The following DIAPH3 variants were observed in gnomAD, a reference collection of about 807,000 sequenced individuals.
The protein encoded by DIAPH3 is protein diaphanous homolog 3.
In DIAPH3, 117 loss-of-function variants were observed where a neutral mutation model predicts 144.3. That is an observed-to-expected ratio of 0.81 (90% CI 0.70 to 0.95). The LOEUF (loss-of-function observed/expected upper bound fraction) is 0.95, where lower values mean the gene tolerates loss of function less well. Ranked by LOEUF, DIAPH3 falls within the 40% of genes least tolerant of loss-of-function variation. The probability of loss-of-function intolerance (pLI) is 0.00; values close to 1 mark genes in which losing one functional copy is unlikely to be tolerated. For missense variants in DIAPH3, 1,421 were observed against 1,412.7 expected, an observed-to-expected ratio of 1.01 and a Z score of -0.09; for synonymous variants, 519 against 488.9, an observed-to-expected ratio of 1.06 and a Z score of -0.81.
chr13:60,126,234 A>G (rs953804650), intron 2 of DIAPH3, among the ~76,000 whole-genome samples: 4 of 152,184 alleles, frequency 2.6e-5, no homozygotes, highest in African/African-American at 9.7e-5. Context: ...CAGATAGATA[A>G]TGAAAAGTCA....
At chr13:60,113,258 A>G (rs1348961572) in intron 2 of DIAPH3, among the ~76,000 whole-genome samples, 1 of 152,202 alleles carries the variant, frequency 6.6e-6, no homozygotes, top group Non-Finnish European at 1.5e-5. Context: ...ATACTAATAC[A>G]TATAGAACAT....
At chr13:59,812,129 A>T (rs1364169195) in intron 24 of DIAPH3, among the ~76,000 whole-genome samples, 4 of 152,126 alleles carry the variant, frequency 2.6e-5, no homozygotes, top group Admixed American at 2.6e-4. Flanking sequence ...CTTTATTTTA[A>T]CCCTAGAGTT....
chr13:60,019,726 A>G (rs573951332), intron 5 of DIAPH3, among the ~76,000 whole-genome samples: 9 of 152,308 alleles, frequency 5.9e-5, no homozygotes, highest in African/African-American at 1.9e-4. Context: ...ACTTCCAGAA[A>G]CACAGGATGA....
chr13:59,924,996 A>G (rs2047687370), intron 17 of DIAPH3, 126 bp from the exon 18 acceptor site: 1 of 1,430,864 alleles, frequency 7.0e-7, no homozygotes. Context: ...AAGTTATAAA[A>G]ACAAATAAAA....
intron 18 of DIAPH3, among the ~76,000 whole-genome samples, chr13:59,920,932 G>A (rs1484707103): frequency 6.6e-6 from 1 of 151,632 alleles, no homozygotes; most frequent in Non-Finnish European, 1.5e-5. Flanking sequence ...AATCAGTACA[G>A]AAGAAAATTC....
intron 14 of DIAPH3, among the ~76,000 whole-genome samples, chr13:59,978,745 G>T (rs2050814165): frequency 6.6e-6 from 1 of 151,626 alleles, no homozygotes; most frequent in African/African-American, 2.4e-5. Flanking sequence ...TATAAAAACT[G>T]ATATGATAGC....
intron 4 of DIAPH3, among the ~76,000 whole-genome samples, chr13:60,069,292 G>A (rs1281182336): frequency 6.6e-6 from 1 of 152,096 alleles, no homozygotes; most frequent in Admixed American, 6.6e-5. Flanking sequence ...CTTTTGAAAA[G>A]GGTCTGCTCG....
At chr13:60,093,548 A>C in intron 4 of DIAPH3, 80 bp downstream of exon 4, 1 of 926,452 alleles carries the variant, frequency 1.1e-6, no homozygotes. Context: ...CACAAACTTA[A>C]GTACTTCATT....
intron 27 of DIAPH3, among the ~76,000 whole-genome samples, chr13:59,720,859 G>T (rs1464305567): frequency 6.6e-6 from 1 of 152,104 alleles, no homozygotes; most frequent in African/African-American, 2.4e-5. Context: ...ATTTTCCTCT[G>T]CAAGTATTCA....
chr13:60,000,845 G>GT (rs1167867742), intron 9 of DIAPH3, among the ~76,000 whole-genome samples: 2 of 152,074 alleles, frequency 1.3e-5, no homozygotes, highest in Non-Finnish European at 2.9e-5. Flanking sequence ...TATTCTTGAG[G>GT]TATTTCCAAG....
At chr13:59,736,438 C>T (rs1252492355) in intron 27 of DIAPH3, among the ~76,000 whole-genome samples, 1 of 152,110 alleles carries the variant, frequency 6.6e-6, no homozygotes. Context: ...TCCACAACCT[C>T]ACCAGGATCT....
At chr13:60,005,212 CT>C in intron 9 of DIAPH3, among the ~76,000 whole-genome samples, 1 of 152,244 alleles carries the variant, frequency 6.6e-6, no homozygotes, top group South Asian at 2.1e-4. Flanking sequence ...GAACGAACCT[CT>C]AAAATATTTT....
chr13:59,970,321 A>C (rs1311467121), intron 16 of DIAPH3, among the ~76,000 whole-genome samples: 2 of 152,196 alleles, frequency 1.3e-5, no homozygotes, highest in African/African-American at 4.8e-5. Context: ...CATTTCTCAT[A>C]GTCTCTAATA....
intron 4 of DIAPH3, among the ~76,000 whole-genome samples, chr13:60,067,409 G>T (rs2057013330): frequency 2.6e-5 from 4 of 151,908 alleles, no homozygotes; most frequent in Admixed American, 2.6e-4. Flanking sequence ...ATACATATTG[G>T]ATAAATAGGC....
At chr13:59,976,315 C>A (rs2050679203) in intron 14 of DIAPH3, among the ~76,000 whole-genome samples, 1 of 151,850 alleles carries the variant, frequency 6.6e-6, no homozygotes, top group Non-Finnish European at 1.5e-5. Context: ...TCTCTAGGGC[C>A]ATGCTATTTC....
At chr13:60,017,024 A>G (rs1236480252) in intron 5 of DIAPH3, among the ~76,000 whole-genome samples, 1 of 152,210 alleles carries the variant, frequency 6.6e-6, no homozygotes, top group Non-Finnish European at 1.5e-5. Flanking sequence ...GAAAAGATAT[A>G]TGTGTGTATA....
chr13:60,069,098 C>A (rs530454027), intron 4 of DIAPH3, among the ~76,000 whole-genome samples: 2 of 152,150 alleles, frequency 1.3e-5, no homozygotes, highest in African/African-American at 4.8e-5. Flanking sequence ...CACACTCTAA[C>A]CAACAGTGTA....
intron 4 of DIAPH3, among the ~76,000 whole-genome samples, chr13:60,049,490 C>T (rs1331035741): frequency 6.6e-6 from 1 of 152,190 alleles, no homozygotes; most frequent in East Asian, 1.9e-4. Context: ...CTTATCCAAA[C>T]CCTCACCACC....
chr13:60,061,279 A>G lies in DIAPH3; in HGVS notation c.496-18459T>C, dbSNP rs990308816. Among the ~76,000 whole-genome samples, 26 of 152,304 alleles carry G rather than the reference A, an allele frequency of 1.7e-4. 1 individual carries two copies. The highest frequency in any genetic ancestry group is 6.3e-4 in the African/African-American group (26 of 41,584). On this transcript the variant is annotated intron_variant, in intron 4 of 27. Transcript: ENST00000400324. ...ATAGGAAGGGAGAGAATAGAAGCACAAAACACACAGAAACAAGAAAGTGAA... is the reference window on the plus strand; with the variant it reads ...ATAGGAAGGGAGAGAATAGAAGCACGAAACACACAGAAACAAGAAAGTGAA...
Sources: gnomAD v4.1 joint callset for allele counts (sites outside exome capture counted in the v4.1 genomes callset) on GRCh38, gnomAD v4.1.1 for gene constraint, MANE v1.5 for transcripts, NCBI Gene and HGNC (gene_info 2026-07-23, HGNC 2026-07-21) for gene names.